Variants in GALNT13 observed in about 807,000 individuals in gnomAD.
GALNT13 encodes the protein UDP-GalNAc:polypeptide N-acetylgalactosaminyltransferase 13.
GALNT13 carries 28 observed loss-of-function variants against 64.2 expected under a neutral mutation model. That is an observed-to-expected ratio of 0.44 (90% CI 0.32 to 0.60). The LOEUF (loss-of-function observed/expected upper bound fraction) is 0.60. Among genes scored for constraint, GALNT13 ranks in the 20% least tolerant of loss-of-function variants. GALNT13 has a pLI of 0.05. For synonymous variants in GALNT13, 214 were observed against 224.6 expected (o/e 0.95, Z 0.42); for missense variants, 577 against 669.8 (o/e 0.86, Z 1.53).
the GALNT13 span, among the ~76,000 whole-genome samples, chr2:153,336,525 C>T: frequency 2.2e-4 from 34 of 152,172 alleles, no homozygotes; most frequent in East Asian, 6.4e-3. Flanking sequence ...GCCCTGTAAC[C>T]CCTTTGTTTT....
chr2:153,592,404 T>A, the GALNT13 span, among the ~76,000 whole-genome samples: 1 of 152,200 alleles, frequency 6.6e-6, no homozygotes, highest in Non-Finnish European at 1.5e-5. Context: ...ATCACAGCAC[T>A]ATTCACAGTA....
At chr2:154,393,158 GT>G (rs1698875338) in intron 9 of GALNT13, among the ~76,000 whole-genome samples, 1 of 152,148 alleles carries the variant, frequency 6.6e-6, no homozygotes, top group East Asian at 1.9e-4. Context: ...CTTTGAAGAG[GT>G]TTGAGTTGCA....
At chr2:154,166,637 A>G (rs1277418321) in intron 4 of GALNT13, among the ~76,000 whole-genome samples, 2 of 152,238 alleles carry the variant, frequency 1.3e-5, no homozygotes, top group Non-Finnish European at 2.9e-5. Context: ...GTATATACCC[A>G]AAGGATTATA....
intron 3 of GALNT13, among the ~76,000 whole-genome samples, chr2:154,138,407 G>A (rs1683069925): frequency 2.0e-5 from 3 of 151,856 alleles, no homozygotes; most frequent in South Asian, 4.2e-4. Context: ...TGTAAACAGG[G>A]AATTTCTTTC....
At chr2:154,199,309 A>G (rs1687047016) in intron 4 of GALNT13, among the ~76,000 whole-genome samples, 1 of 152,016 alleles carries the variant, frequency 6.6e-6, no homozygotes, top group Admixed American at 6.6e-5. Flanking sequence ...AAGAAAGGGG[A>G]AGCATTTTAA....
intron 3 of GALNT13, among the ~76,000 whole-genome samples, chr2:154,009,301 C>G (rs1005968771): frequency 6.6e-6 from 1 of 151,560 alleles, no homozygotes; most frequent in Admixed American, 6.6e-5. Flanking sequence ...GTTACTGTAG[C>G]CTTGTAGTAT....
the GALNT13 span, among the ~76,000 whole-genome samples, chr2:153,200,311 C>T: frequency 2.0e-5 from 3 of 152,330 alleles, no homozygotes; most frequent in East Asian, 5.8e-4. Context: ...TTCAAGTCTG[C>T]TGGTTAAGGT....
intron 4 of GALNT13, among the ~76,000 whole-genome samples, chr2:154,228,437 C>G (rs918847721): frequency 1.3e-5 from 2 of 152,124 alleles, no homozygotes; most frequent in African/African-American, 4.8e-5. Context: ...AAATCAGAAG[C>G]CCTGTTTCTC....
the GALNT13 span, among the ~76,000 whole-genome samples, chr2:153,747,340 A>G: frequency 2.7e-5 from 4 of 148,940 alleles, no homozygotes; most frequent in Non-Finnish European, 5.9e-5. Flanking sequence ...CTTTCCCCAC[A>G]TCCCACCCCC....
At chr2:153,611,348 C>T in the GALNT13 span, among the ~76,000 whole-genome samples, 1 of 152,008 alleles carries the variant, frequency 6.6e-6, no homozygotes, top group East Asian at 1.9e-4. Context: ...GGCCCCTGCC[C>T]CCCCGTCCGC....
the GALNT13 span, among the ~76,000 whole-genome samples, chr2:153,489,772 G>A: frequency 1.3e-5 from 2 of 152,138 alleles, no homozygotes; most frequent in Non-Finnish European, 2.9e-5. Flanking sequence ...TCTCAAACCA[G>A]ATATTTAAGA....
intron 3 of GALNT13, among the ~76,000 whole-genome samples, chr2:154,049,350 T>C (rs1017081739): frequency 2.0e-5 from 3 of 148,792 alleles, no homozygotes; most frequent in East Asian, 3.9e-4. Flanking sequence ...TGTGTATGTA[T>C]ATATGATATA....
chr2:153,291,166 A>T, the GALNT13 span, among the ~76,000 whole-genome samples: 1 of 152,246 alleles, frequency 6.6e-6, no homozygotes, highest in African/African-American at 2.4e-5. Context: ...TGTTAATCAG[A>T]TATTTTGATA....
chr2:154,118,908 A>T (rs1452084783), intron 3 of GALNT13, among the ~76,000 whole-genome samples: 1 of 152,062 alleles, frequency 6.6e-6, no homozygotes, highest in African/African-American at 2.4e-5. Context: ...GTATCCCTTG[A>T]TAATTTATTT....
intron 4 of GALNT13, among the ~76,000 whole-genome samples, chr2:154,208,622 GTC>G (rs1373309550): frequency 2.8e-5 from 3 of 106,342 alleles, no homozygotes; most frequent in African/African-American, 3.9e-5. Flanking sequence ...CGTTTTGCGT[GTC>G]TGTGTGTGTG....
intron 9 of GALNT13, among the ~76,000 whole-genome samples, chr2:154,303,938 A>G (rs915176920): frequency 1.3e-5 from 2 of 151,848 alleles, no homozygotes; most frequent in Non-Finnish European, 2.9e-5. Flanking sequence ...TTGTATTTTT[A>G]CTAGAAACGG....
chr2:154,357,687 T>A (rs13001607), intron 9 of GALNT13, among the ~76,000 whole-genome samples: 5 of 151,972 alleles, frequency 3.3e-5, no homozygotes, highest in Non-Finnish European at 7.4e-5. Context: ...AGGATATGGG[T>A]CAAGGGATGA....
chr2:153,609,961 A>G, the GALNT13 span, among the ~76,000 whole-genome samples: 2 of 152,122 alleles, frequency 1.3e-5, no homozygotes, highest in Non-Finnish European at 2.9e-5. Flanking sequence ...CCTTCTTGGT[A>G]TGTTTATTTG....
chr2:153,300,261 C>G, the GALNT13 span, among the ~76,000 whole-genome samples: 1 of 152,200 alleles, frequency 6.6e-6, no homozygotes, highest in Non-Finnish European at 1.5e-5. Flanking sequence ...CTCTAGAATC[C>G]TGTGATAGTC....
Sources: allele counts gnomAD v4.1 joint callset (sites outside exome capture counted in the v4.1 genomes callset), GRCh38; gene constraint gnomAD v4.1.1; transcripts MANE v1.5; gene names NCBI Gene and HGNC (gene_info 2026-07-23, HGNC 2026-07-21).